PDE4D: variants seen among roughly 807,000 people sequenced by gnomAD.
The protein encoded by PDE4D is phosphodiesterase 4D, also known as 3',5'-cyclic-AMP phosphodiesterase 4D.
In PDE4D, 24 loss-of-function variants were observed where a neutral mutation model predicts 87.4. The observed-to-expected ratio is 0.27, with a 90% CI of 0.20 to 0.39. The LOEUF (loss-of-function observed/expected upper bound fraction) is 0.39, where lower values mean the gene tolerates loss of function less well. Ranked by LOEUF, PDE4D falls within the 10% of genes least tolerant of loss-of-function variation. The probability of loss-of-function intolerance (pLI) is 1.00; values close to 1 mark genes in which losing one functional copy is unlikely to be tolerated. For missense variants in PDE4D, 714 were observed against 1,041.0 expected, an observed-to-expected ratio of 0.69 and a Z score of 4.32; for synonymous variants, 384 against 383.2, an observed-to-expected ratio of 1.00 and a Z score of -0.02.
chr5:59,625,956 C>T (rs1174962125), intron 1 of PDE4D, among the ~76,000 whole-genome samples: 1 of 152,058 alleles, frequency 6.6e-6, no homozygotes, highest in Non-Finnish European at 1.5e-5. Context: ...GGCGTGGTGG[C>T]GGGCGCCTGT....
intron 1 of PDE4D, among the ~76,000 whole-genome samples, chr5:60,461,739 T>G (rs1746961487): frequency 6.6e-6 from 1 of 152,150 alleles, no homozygotes; most frequent in Non-Finnish European, 1.5e-5. Flanking sequence ...TGGGAAGAGG[T>G]GCCTTCCCTT....
chr5:59,137,564 T>C (rs1269786023), intron 5 of PDE4D, among the ~76,000 whole-genome samples: 2 of 151,550 alleles, frequency 1.3e-5, no homozygotes, highest in African/African-American at 4.8e-5. Context: ...TCTCGCTCTG[T>C]CGCCCAGGCT....
chr5:59,147,322 G>A (rs974290671), intron 5 of PDE4D, among the ~76,000 whole-genome samples: 1 of 152,118 alleles, frequency 6.6e-6, no homozygotes, highest in Non-Finnish European at 1.5e-5. Context: ...AAGCTACAAT[G>A]GAGGGTAAAG....
chr5:59,068,489 G>A (rs1057466275), intron 5 of PDE4D, among the ~76,000 whole-genome samples: 2 of 152,088 alleles, frequency 1.3e-5, no homozygotes, highest in South Asian at 2.1e-4. Context: ...CAAAGCATTC[G>A]TGGTTTCTAT....
At chr5:59,895,582 T>C (rs374766574), upstream of PDE4D, among the ~76,000 whole-genome samples, 25 of 152,226 alleles carry the variant, frequency 1.6e-4, no homozygotes, top group African/African-American at 5.8e-4. Context: ...AGCCAGTATT[T>C]TCCCAAACAC....
At chr5:59,437,153 A>C (rs758782076) in intron 1 of PDE4D, among the ~76,000 whole-genome samples, 1 of 152,234 alleles carries the variant, frequency 6.6e-6, no homozygotes, top group East Asian at 1.9e-4. Flanking sequence ...AATGATGCTC[A>C]TTCATTGAAA....
At chr5:59,275,468 T>G in intron 1 of PDE4D, 2 of 1,560,548 alleles carry the variant, frequency 1.3e-6, no homozygotes, top group Non-Finnish European at 1.7e-6. Context: ...TAACTGTCTT[T>G]CTGCAAAGAA....
intron 12 of PDE4D, 122 bp from the exon 13 acceptor site, chr5:58,976,594 A>T: frequency 1.3e-6 from 1 of 767,170 alleles, no homozygotes; most frequent in Non-Finnish European, 2.1e-6. Flanking sequence ...GACAGTGGAA[A>T]ATCCTTACTA....
chr5:59,939,469 G>A (rs1756946888), intron 3 of PDE4D, among the ~76,000 whole-genome samples: 1 of 152,114 alleles, frequency 6.6e-6, no homozygotes, highest in Admixed American at 6.6e-5. Flanking sequence ...GAAGATAAAT[G>A]CACTCCAAAT....
chr5:59,019,870 G>GCTATCTATCTAT (rs70973175), intron 6 of PDE4D, among the ~76,000 whole-genome samples: 6 of 149,922 alleles, frequency 4.0e-5, no homozygotes, highest in Non-Finnish European at 7.4e-5. Flanking sequence ...TATATGTTTC[G>GCTATCTATCTAT]CTATCTATCT....
At chr5:60,301,286 A>G (rs917616916) in intron 1 of PDE4D, among the ~76,000 whole-genome samples, 6 of 152,204 alleles carry the variant, frequency 3.9e-5, no homozygotes, top group African/African-American at 1.4e-4. Flanking sequence ...TAGCATGAAT[A>G]TATAAATTAC....
chr5:60,400,608 T>C (rs1740991993), intron 1 of PDE4D, among the ~76,000 whole-genome samples: 1 of 149,646 alleles, frequency 6.7e-6, no homozygotes, highest in African/African-American at 2.5e-5. Context: ...TGTCCTAACA[T>C]CCTACTATAA....
At chr5:59,494,933 T>C (rs1436172473) in intron 1 of PDE4D, among the ~76,000 whole-genome samples, 1 of 152,164 alleles carries the variant, frequency 6.6e-6, no homozygotes, top group Non-Finnish European at 1.5e-5. Context: ...AAGAAAAAGC[T>C]AGTTTTTAAC....
chr5:60,202,351 A>C (rs906917612), intron 1 of PDE4D, among the ~76,000 whole-genome samples: 11 of 152,038 alleles, frequency 7.2e-5, no homozygotes, highest in Admixed American at 2.0e-4. Flanking sequence ...AAATTTTGTA[A>C]AGATAGAGTT....
At chr5:59,981,018 G>C (rs1020956094) in intron 3 of PDE4D, among the ~76,000 whole-genome samples, 1 of 152,150 alleles carries the variant, frequency 6.6e-6, no homozygotes, top group Non-Finnish European at 1.5e-5. Flanking sequence ...TTGGGAGGCT[G>C]AGGCAGGAAG....
intron 1 of PDE4D, among the ~76,000 whole-genome samples, chr5:59,429,408 A>G (rs1795779382): frequency 6.6e-6 from 1 of 152,166 alleles, no homozygotes; most frequent in African/African-American, 2.4e-5. Flanking sequence ...AGGTTTAGAA[A>G]CTTTTTAATC....
At chr5:60,491,721 T>C (rs1749542964), upstream of PDE4D, among the ~76,000 whole-genome samples, 1 of 151,782 alleles carries the variant, frequency 6.6e-6, no homozygotes, top group Non-Finnish European at 1.5e-5. Flanking sequence ...GCTAAAACCA[T>C]ATCTTTGCTT....
At chr5:60,435,701 TTGACTCTCTTTGCTTAGAA>T (rs1482210897) in intron 1 of PDE4D, among the ~76,000 whole-genome samples, 1 of 152,090 alleles carries the variant, frequency 6.6e-6, no homozygotes, top group African/African-American at 2.4e-5. Context: ...TGAATGTCTC[TTGACTCTCTTTGCTTAGAA>T]GTCTATGGAG....
intron 1 of PDE4D, among the ~76,000 whole-genome samples, chr5:60,387,106 A>T (rs967298273): frequency 1.5e-4 from 23 of 152,320 alleles, no homozygotes; most frequent in African/African-American, 5.5e-4. Context: ...CAACACTAGG[A>T]TTCTTTCATC....
Sources: allele counts gnomAD v4.1 joint callset (sites outside exome capture counted in the v4.1 genomes callset), GRCh38; gene constraint gnomAD v4.1.1; transcripts MANE v1.5; gene names NCBI Gene and HGNC (gene_info 2026-07-23, HGNC 2026-07-21).